The following NXPH2 variants were observed in gnomAD, a reference collection of about 807,000 sequenced individuals.
NXPH2 encodes the protein neurexophilin-2.
A neutral mutation model predicts 19.8 loss-of-function variants in NXPH2; 5 were observed. That is an observed-to-expected ratio of 0.25 (90% CI 0.13 to 0.53). The LOEUF (loss-of-function observed/expected upper bound fraction) is 0.53. Among genes scored for constraint, NXPH2 ranks in the 20% least tolerant of loss-of-function variants. The pLI, the probability that NXPH2 is intolerant of heterozygous loss-of-function variation, is 0.96. For missense variants in NXPH2, 289 were observed against 322.8 expected, an observed-to-expected ratio of 0.90 and a Z score of 0.80; for synonymous variants, 154 against 127.4, an observed-to-expected ratio of 1.21 and a Z score of -1.41.
intron 1 of NXPH2, among the ~76,000 whole-genome samples, chr2:138,723,759 C>A (rs1039087995): frequency 1.3e-5 from 2 of 152,140 alleles, no homozygotes. Flanking sequence ...CACTCGCCCA[C>A]ACCTCACAGC....
intron 1 of NXPH2, among the ~76,000 whole-genome samples, chr2:138,757,067 T>C (rs1681920656): frequency 6.6e-6 from 1 of 152,238 alleles, no homozygotes; most frequent in Non-Finnish European, 1.5e-5. Flanking sequence ...AATGCAAGGC[T>C]ACCTGAGAAA....
Position 138,780,259 on chromosome 2 carries a change from C to T in NXPH2, c.-18G>A, listed in dbSNP as rs1682331287. 7.0e-7 allele frequency: 1 copy of T among 1,421,236 alleles called. No individual in the cohort carries two copies. The highest frequency in any genetic ancestry group is 1.5e-5 in the South Asian group (1 of 66,486). The allele number at this position is 1,421,236 out of a possible 1,614,324, so 88.0% of individuals were successfully genotyped here. On this transcript the variant is annotated 5_prime_UTR_variant, in exon 1 of 2. Transcript: ENST00000272641. Reference sequence around the variant, plus strand: ...AGGCGCATGGTGCCGGCTGGCGCGGCTTTTCACGAGCTGCGCGCCCTCGCC... The same window carrying T: ...AGGCGCATGGTGCCGGCTGGCGCGGTTTTTCACGAGCTGCGCGCCCTCGCC...
At chr2:138,701,370 C>T (rs1680920163) in intron 1 of NXPH2, among the ~76,000 whole-genome samples, 1 of 152,026 alleles carries the variant, frequency 6.6e-6, no homozygotes. Context: ...AACAGAAAAA[C>T]AGAGCGGGTT....
At chr2:138,691,709 A>G (rs1300068452) in intron 1 of NXPH2, among the ~76,000 whole-genome samples, 1 of 152,194 alleles carries the variant, frequency 6.6e-6, no homozygotes, top group Admixed American at 6.5e-5. Flanking sequence ...GAGGCCCTGA[A>G]ATACATGGAG....
chr2:138,726,502 A>T (rs1041449112), intron 1 of NXPH2, among the ~76,000 whole-genome samples: 6 of 134,374 alleles, frequency 4.5e-5, no homozygotes, highest in Non-Finnish European at 9.4e-5. Context: ...ATCTTTTTGG[A>T]AAAAAGTAAA....
At chr2:138,683,792 AC>A in intron 1 of NXPH2, among the ~76,000 whole-genome samples, 1 of 152,336 alleles carries the variant, frequency 6.6e-6, no homozygotes, top group South Asian at 2.1e-4. Context: ...TTTATTGGTT[AC>A]ATTCTTTCAC....
chr2:138,708,453 G>C (rs1008316377), intron 1 of NXPH2, among the ~76,000 whole-genome samples: 1 of 152,234 alleles, frequency 6.6e-6, no homozygotes, highest in African/African-American at 2.4e-5. Flanking sequence ...GGAAGAAGAT[G>C]TAATGTGATT....
At chr2:138,760,967 T>A (rs969022030) in intron 1 of NXPH2, among the ~76,000 whole-genome samples, 4 of 152,010 alleles carry the variant, frequency 2.6e-5, no homozygotes, top group African/African-American at 7.3e-5. Context: ...CAAGCAAACA[T>A]CCCTGGCAAG....
At chr2:138,769,969 A>G (rs1272817248) in intron 1 of NXPH2, among the ~76,000 whole-genome samples, 3 of 152,354 alleles carry the variant, frequency 2.0e-5, no homozygotes, top group East Asian at 3.9e-4. Flanking sequence ...TTAAGGTTAT[A>G]GTATATATAA....
intron 1 of NXPH2, among the ~76,000 whole-genome samples, chr2:138,744,641 C>A (rs111303298): frequency 6.6e-6 from 1 of 152,140 alleles, no homozygotes; most frequent in Non-Finnish European, 1.5e-5. Flanking sequence ...GTGCTCCAAG[C>A]CTTCTTCCTT....
intron 1 of NXPH2, among the ~76,000 whole-genome samples, chr2:138,744,584 T>C (rs1413449936): frequency 6.6e-6 from 1 of 152,176 alleles, no homozygotes; most frequent in African/African-American, 2.4e-5. Flanking sequence ...CTGATGCGTT[T>C]AATCTGCTAT....
Position 138,742,768 on chromosome 2 carries a change from T to G in NXPH2, c.51+37423A>C, listed in dbSNP as rs190212388. Among the ~76,000 whole-genome samples the G allele has an allele frequency of 4.3e-4, 65 of 152,330 alleles. 1 individual carries two copies. The highest frequency in any genetic ancestry group is 3.9e-3 in the Admixed American group (59 of 15,288). On this transcript the variant is annotated intron_variant, in intron 1 of 1. Coordinates refer to ENST00000272641, the MANE Select transcript of NXPH2 (RefSeq NM_007226.3). ...TAAAAAGAAATATTGACCTAACTTA[T>G]ATCCTAACTGTAGTTTTGCAAAGTC... is the stretch of plus-strand genomic sequence containing the variant.
chr2:138,671,114 G>T lies in NXPH2; in HGVS notation c.603C>A (p.Ala201=). Residue 201 remains alanine (A), a synonymous_variant, in exon 2 of 2, where the codon GCC becomes GCA. Transcript: ENST00000272641. The part of the protein sequence containing the change: ...YEKTDRAKKT[A]LCNFDPSKIC... ...TCTTGGATGGGTCAAAGTTGCACAG[G>T]GCGGTCTTTTTCGCCCGATCTGTTT... The T allele has an allele frequency of 6.2e-7, 1 of 1,613,898 alleles. No individual in the cohort carries two copies. Among genetic ancestry groups the T allele is most frequent in the South Asian group, 1.1e-5 (1 of 91,060 alleles).
intron 1 of NXPH2, among the ~76,000 whole-genome samples, chr2:138,760,810 G>T (rs1489282256): frequency 1.3e-5 from 2 of 152,146 alleles, no homozygotes; most frequent in Non-Finnish European, 2.9e-5. Context: ...TAAAATACCA[G>T]ACTCATGGAC....
chr2:138,774,704 C>T (rs1682233393), intron 1 of NXPH2, among the ~76,000 whole-genome samples: 1 of 152,162 alleles, frequency 6.6e-6, no homozygotes, highest in Non-Finnish European at 1.5e-5. Context: ...CACCCTTGGA[C>T]CAACTCTATT....
At chr2:138,780,157 G>A in intron 1 of NXPH2, 34 bp downstream of exon 1, 3 of 1,473,172 alleles carry the variant, frequency 2.0e-6, no homozygotes, top group Middle Eastern at 3.5e-4. Flanking sequence ...ACGCGTCCCC[G>A]GCGTGTGGGA....
At chr2:138,779,672 G>T (rs191761941) in intron 1 of NXPH2, among the ~76,000 whole-genome samples, 1 of 152,196 alleles carries the variant, frequency 6.6e-6, no homozygotes, top group East Asian at 1.9e-4. Flanking sequence ...CCCCAAATCC[G>T]TATTTTGCCT....
At chr2:138,687,637 A>T (rs1680681564) in intron 1 of NXPH2, among the ~76,000 whole-genome samples, 1 of 150,118 alleles carries the variant, frequency 6.7e-6, no homozygotes, top group Non-Finnish European at 1.5e-5. Context: ...TGCCTAGAAA[A>T]CTCTAGGTTT....
At chr2:138,723,808 G>A (rs1573967141) in intron 1 of NXPH2, among the ~76,000 whole-genome samples, 2 of 152,100 alleles carry the variant, frequency 1.3e-5, no homozygotes, top group East Asian at 1.9e-4. Context: ...GAGCTGCCAC[G>A]GATTCCAGGC....
Sources: allele counts gnomAD v4.1 joint callset (sites outside exome capture counted in the v4.1 genomes callset), GRCh38; gene constraint gnomAD v4.1.1; transcripts MANE v1.5; gene names NCBI Gene and HGNC (gene_info 2026-07-23, HGNC 2026-07-21).